SEMA6D: variants seen among roughly 807,000 people sequenced by gnomAD.
The protein encoded by SEMA6D is semaphorin 6D, also known as semaphorin-6D.
SEMA6D carries 35 observed loss-of-function variants against 106.6 expected under a neutral mutation model. The ratio of observed to expected loss-of-function variants is 0.33; its 90% CI spans 0.25 to 0.44. SEMA6D has a LOEUF of 0.44. Among genes scored for constraint, SEMA6D ranks in the 20% least tolerant of loss-of-function variants. The probability of loss-of-function intolerance (pLI) is 1.00; values close to 1 mark genes in which losing one functional copy is unlikely to be tolerated. For missense variants in SEMA6D, 1,185 were observed against 1,345.9 expected, an observed-to-expected ratio of 0.88 and a Z score of 1.87; for synonymous variants, 499 against 487.7, an observed-to-expected ratio of 1.02 and a Z score of -0.31.
At chr15:47,345,179 T>C (rs2037994263) in intron 1 of SEMA6D, among the ~76,000 whole-genome samples, 1 of 151,054 alleles carries the variant, frequency 6.6e-6, no homozygotes, top group Non-Finnish European at 1.5e-5. Flanking sequence ...CAATTCCAAG[T>C]CAAATTTCAG....
chr15:47,362,503 G>A (rs750339975), intron 1 of SEMA6D, among the ~76,000 whole-genome samples: 13 of 152,092 alleles, frequency 8.5e-5, no homozygotes, highest in East Asian at 3.9e-4. Context: ...TGGCCTCTCC[G>A]TGTCCCCATC....
At chr15:47,339,817 A>G (rs1057258664) in intron 1 of SEMA6D, among the ~76,000 whole-genome samples, 1 of 151,980 alleles carries the variant, frequency 6.6e-6, no homozygotes, top group Non-Finnish European at 1.5e-5. Flanking sequence ...TATCATGCCA[A>G]TGAACTCCAA....
intron 1 of SEMA6D, among the ~76,000 whole-genome samples, chr15:47,194,625 C>G (rs1045194882): frequency 2.6e-5 from 4 of 152,102 alleles, no homozygotes; most frequent in African/African-American, 9.7e-5. Flanking sequence ...ACACATAGTA[C>G]CAAAATATGT....
At chr15:47,511,104 C>T (rs1421046424) in intron 3 of SEMA6D, among the ~76,000 whole-genome samples, 1 of 152,116 alleles carries the variant, frequency 6.6e-6, no homozygotes. Context: ...CATGAAACCA[C>T]CTTTTCAATT....
intron 1 of SEMA6D, among the ~76,000 whole-genome samples, chr15:47,284,513 T>A (rs1219711381): frequency 6.6e-6 from 1 of 152,200 alleles, no homozygotes; most frequent in Non-Finnish European, 1.5e-5. Context: ...GGTTGTACTG[T>A]AAATTTGAGA....
chr15:47,405,999 C>T (rs78658488), intron 1 of SEMA6D, among the ~76,000 whole-genome samples: 2,169 of 152,280 alleles, frequency 0.014, 35 homozygotes, highest in South Asian at 0.054. Flanking sequence ...GGGCCATATG[C>T]AAGGAGACCT....
intron 1 of SEMA6D, among the ~76,000 whole-genome samples, chr15:47,365,117 A>C (rs890095872): frequency 1.3e-5 from 2 of 152,190 alleles, no homozygotes; most frequent in African/African-American, 4.8e-5. Context: ...CTCCGAGAGG[A>C]TATCCCACAG....
At chr15:47,362,995 T>C (rs547516447) in intron 1 of SEMA6D, among the ~76,000 whole-genome samples, 10 of 152,242 alleles carry the variant, frequency 6.6e-5, no homozygotes, top group African/African-American at 2.4e-4. Context: ...TGCTGCCCTT[T>C]ATAGCTGGTC....
intron 3 of SEMA6D, among the ~76,000 whole-genome samples, chr15:47,597,183 T>G (rs2076553623): frequency 6.6e-6 from 1 of 152,006 alleles, no homozygotes; most frequent in Non-Finnish European, 1.5e-5. Flanking sequence ...TTCCCACCTG[T>G]CAGAATGCCT....
intron 3 of SEMA6D, among the ~76,000 whole-genome samples, chr15:47,498,783 G>A (rs916947537): frequency 4.6e-5 from 7 of 152,174 alleles, no homozygotes; most frequent in Admixed American, 1.3e-4. Flanking sequence ...CAAGAGGCCC[G>A]CATGACTGCA....
upstream of SEMA6D, among the ~76,000 whole-genome samples, chr15:47,715,829 C>T (rs1418895979): frequency 6.6e-6 from 1 of 152,200 alleles, no homozygotes; most frequent in Non-Finnish European, 1.5e-5. Flanking sequence ...AACTCAAGAG[C>T]TTTCTGTCTC....
intron 4 of SEMA6D, among the ~76,000 whole-genome samples, chr15:47,651,308 G>T (rs936518406): frequency 3.9e-5 from 6 of 152,142 alleles, no homozygotes; most frequent in Admixed American, 2.6e-4. Context: ...GGAGGCTGAA[G>T]TGGGAGGATC....
intron 1 of SEMA6D, among the ~76,000 whole-genome samples, chr15:47,369,999 A>G (rs768540759): frequency 2.6e-5 from 4 of 152,354 alleles, no homozygotes; most frequent in African/African-American, 9.6e-5. Flanking sequence ...ACAGAGGTCC[A>G]CATATGTTAT....
At chr15:47,539,188 A>G (rs1242721574) in intron 3 of SEMA6D, among the ~76,000 whole-genome samples, 2 of 152,170 alleles carry the variant, frequency 1.3e-5, no homozygotes, top group Non-Finnish European at 2.9e-5. Flanking sequence ...TCTTTCCTAT[A>G]TTGTGATGTG....
chr15:47,198,470 T>C (rs1429157508), intron 1 of SEMA6D, among the ~76,000 whole-genome samples: 4 of 152,134 alleles, frequency 2.6e-5, no homozygotes, highest in African/African-American at 7.2e-5. Context: ...AAATAAGATA[T>C]GGATCCCATT....
chr15:47,559,458 T>G (rs2046013978), intron 3 of SEMA6D, among the ~76,000 whole-genome samples: 1 of 152,118 alleles, frequency 6.6e-6, no homozygotes. Flanking sequence ...TCAGCTTTCT[T>G]AGCTCATGAA....
intron 3 of SEMA6D, among the ~76,000 whole-genome samples, chr15:47,542,651 C>CT (rs903955388): frequency 4.6e-5 from 7 of 152,040 alleles, no homozygotes; most frequent in African/African-American, 9.7e-5. Flanking sequence ...AAGCAGTACT[C>CT]TTTTTTTTCT....
intron 3 of SEMA6D, among the ~76,000 whole-genome samples, chr15:47,501,676 A>T (rs1171415458): frequency 6.6e-6 from 1 of 152,190 alleles, no homozygotes. Context: ...GTAACAAGTG[A>T]GCTGGTCATC....
rs138850138 is a variant in SEMA6D, at chr15:47,665,155, T to G, written c.-55+64259T>G. Among the ~76,000 whole-genome samples, 42 of 152,342 alleles carry G rather than the reference T, an allele frequency of 2.8e-4. No individual in the cohort carries two copies. In the East Asian group the frequency reaches 7.3e-3, roughly 27 times the overall value. ...TGGTGGGGTTTCTTATTTGACTTCT[T>G]TCTTCAAGTCATAGTAGGAATGATT... is the stretch of plus-strand genomic sequence containing the variant. On this transcript the variant is annotated intron_variant, in intron 4 of 19. Coordinates refer to the SEMA6D transcript ENST00000558014.
Sources: gnomAD v4.1 joint callset for allele counts (sites outside exome capture counted in the v4.1 genomes callset) on GRCh38, gnomAD v4.1.1 for gene constraint, MANE v1.5 for transcripts, NCBI Gene and HGNC (gene_info 2026-07-23, HGNC 2026-07-21) for gene names.